The following SRP19 variants were observed in gnomAD, a reference collection of about 807,000 sequenced individuals.
SRP19 encodes the protein signal recognition particle 19 kDa protein.
In SRP19, 11 loss-of-function variants were observed where a neutral mutation model predicts 22.4. The ratio of observed to expected loss-of-function variants is 0.49; its 90% confidence interval spans 0.31 to 0.81. The LOEUF (loss-of-function observed/expected upper bound fraction) is 0.81, where lower values mean the gene tolerates loss of function less well. SRP19 is among the 40% of genes least tolerant of loss of function. The pLI is 0.05. For synonymous variants in SRP19, 61 were observed against 57.6 expected, an observed-to-expected ratio of 1.06 and a Z score of -0.27; for missense variants, 168 against 175.9, an observed-to-expected ratio of 0.96 and a Z score of 0.25.
chr5:112,891,953 TAGA>T (rs762179897), exon 5 of SRP19: 3 of 1,250,066 alleles, frequency 2.4e-6, no homozygotes, highest in African/African-American at 2.9e-5. Flanking sequence ...AAAAAATGGC[TAGA>T]AGAACAAGAG....
exon 5 of SRP19, chr5:112,892,703 C>G (rs1270427124): frequency 1.2e-6 from 2 of 1,614,062 alleles, no homozygotes; most frequent in African/African-American, 1.3e-5. Flanking sequence ...TACTTGTCTT[C>G]AGATCAGACT....
intron 2 of SRP19, among the ~76,000 whole-genome samples, chr5:112,863,320 A>G (rs1329516624): frequency 1.3e-5 from 2 of 152,110 alleles, no homozygotes; most frequent in Non-Finnish European, 2.9e-5. Context: ...AGATTTACCT[A>G]CATATTTGAA....
chr5:112,873,034 C>T (rs1767791219), downstream of SRP19, among the ~76,000 whole-genome samples: 3 of 149,554 alleles, frequency 2.0e-5, no homozygotes, highest in Non-Finnish European at 4.4e-5. Context: ...AGTTTATTAT[C>T]ATGATCCTGG....
intron 2 of SRP19, among the ~76,000 whole-genome samples, chr5:112,863,896 C>T (rs1019518144): frequency 1.3e-5 from 2 of 152,140 alleles, no homozygotes; most frequent in East Asian, 3.9e-4. Context: ...AACTCCTGAG[C>T]TGAAGTGATC....
intron 4 of SRP19, 148 bp from the exon 5 acceptor site, chr5:112,867,256 T>C (rs764395811): frequency 1.2e-6 from 1 of 833,882 alleles, no homozygotes; most frequent in African/African-American, 1.7e-5. Flanking sequence ...CTAGTCAGTG[T>C]CTTCAGTCAT....
At position 112,867,724 on chromosome 5, in the gene SRP19, G is replaced by A. The variant is rs958233009; in HGVS notation, c.*187G>A. On this transcript the variant is annotated 3_prime_UTR_variant, in exon 5 of 5. Coordinates refer to ENST00000505459, the MANE Select transcript of SRP19 (RefSeq NM_003135.3). Reference sequence around the variant, plus strand: ...TTTACATCAGAAGTTTGCATCTCGCGTATATGCCGTATAAAAGAATTTTTT... The same window carrying A: ...TTTACATCAGAAGTTTGCATCTCGCATATATGCCGTATAAAAGAATTTTTT... The A allele has an allele frequency of 1.8e-4, 237 of 1,306,614 alleles. No homozygotes were observed. The highest frequency in any genetic ancestry group is 2.1e-4 in the Non-Finnish European group (211 of 1,027,052). 80.9% of individuals were successfully genotyped at this position (1,306,614 alleles called of 1,614,324 possible). A position where few individuals can be genotyped will look rare whatever the true frequency, so the allele number is the denominator to read the frequency against.
intron 4 of SRP19, among the ~76,000 whole-genome samples, chr5:112,866,931 G>T (rs1767624887): frequency 1.3e-5 from 2 of 152,316 alleles, no homozygotes; most frequent in African/African-American, 4.8e-5. Flanking sequence ...GTAGCTGGTT[G>T]TAGGTGTGCA....
Position 112,868,360 on chromosome 5 carries a change from C to A in SRP19, c.*823C>A. The A allele has an allele frequency of 1.0e-6, 1 of 993,800 alleles. No individual in the cohort carries two copies. Among genetic ancestry groups the A allele is most frequent in the Non-Finnish European group, 1.2e-6 (1 of 836,330 alleles). 61.6% of individuals were successfully genotyped at this position (993,800 alleles called of 1,614,324 possible). A position where few individuals can be genotyped will look rare whatever the true frequency, so the allele number is the denominator to read the frequency against. ...TTAGCTCTTCCTTGAATTCTGCAAG[C>A]TATCTCATATTTTCAGTAAATTCCA... On this transcript the variant is annotated 3_prime_UTR_variant, in exon 5 of 5. Transcript: ENST00000505459.
chr5:112,866,141 A>G, intron 4 of SRP19, among the ~76,000 whole-genome samples: 1 of 145,014 alleles, frequency 6.9e-6, no homozygotes, highest in African/African-American at 2.6e-5. Flanking sequence ...TCTGAGACAG[A>G]GTTTTGCTCT....
chr5:112,892,112 G>A (rs781580621), exon 5 of SRP19: 43 of 1,613,968 alleles, frequency 2.7e-5, no homozygotes, highest in Non-Finnish European at 3.4e-5. Flanking sequence ...AGTACCACAT[G>A]GCAAAACCCA....
chr5:112,892,375 G>C lies in SRP19; in HGVS notation c.*768G>C, dbSNP rs1308361383. 1.9e-6 allele frequency: 3 copies of C among 1,614,148 alleles called. No homozygotes were observed. The Admixed American group carries it at 5.0e-5, about 27-fold the overall frequency. The stretch of plus-strand genomic sequence containing the variant: ...CTACCAACAGTTCCTAGATTTCTAT[G>C]AGGATGTGTTGCCCGAGTTCAAGAA... On this transcript the variant is annotated 3_prime_UTR_variant, in exon 5 of 5. Transcript: ENST00000391338.
intron 4 of SRP19, among the ~76,000 whole-genome samples, chr5:112,890,165 T>G (rs1768391137): frequency 6.7e-6 from 1 of 150,238 alleles, no homozygotes; most frequent in South Asian, 2.1e-4. Flanking sequence ...CTTGGTGATG[T>G]ATGCCTGTGG....
At chr5:112,887,697 C>T (rs191057243) in intron 4 of SRP19, among the ~76,000 whole-genome samples, 1 of 151,982 alleles carries the variant, frequency 6.6e-6, no homozygotes, top group African/African-American at 2.4e-5. Context: ...TAGATCTTAG[C>T]CTTCAAGGAA....
chr5:112,861,446 A>G, intron 1 of SRP19, 29 bp downstream of exon 1: 1 of 1,610,110 alleles, frequency 6.2e-7, no homozygotes, highest in Non-Finnish European at 8.5e-7. Context: ...GGTCCTCCGA[A>G]AGGAAGGGGC....
chr5:112,896,821 C>T (rs1768693259), downstream of SRP19: 1 of 152,186 alleles, frequency 6.6e-6, no homozygotes, highest in South Asian at 2.1e-4. Flanking sequence ...GTCCCAGCTA[C>T]TCGGGAGGCT....
intron 4 of SRP19, among the ~76,000 whole-genome samples, chr5:112,883,565 G>A (rs1768140712): frequency 6.6e-6 from 1 of 152,090 alleles, no homozygotes; most frequent in East Asian, 1.9e-4. Context: ...TTCAGTCTTT[G>A]GACCTCCTGT....
chr5:112,878,592 T>G (rs1767967243), intron 4 of SRP19: 2 of 765,456 alleles, frequency 2.6e-6, no homozygotes, highest in South Asian at 4.9e-5. Context: ...GCCCACTGCA[T>G]TAAGTTTAAA....
intron 4 of SRP19, among the ~76,000 whole-genome samples, chr5:112,880,504 CT>C (rs1768038536): frequency 6.6e-6 from 1 of 152,192 alleles, no homozygotes; most frequent in South Asian, 2.1e-4. Flanking sequence ...GTTGCTCTCC[CT>C]TTGCTCAGTT....
intron 4 of SRP19, chr5:112,887,057 T>G: frequency 6.2e-7 from 1 of 1,613,266 alleles, no homozygotes; most frequent in Non-Finnish European, 8.5e-7. Context: ...GCCTTGTCTT[T>G]AAGGTCCTTG....
Sources: allele counts gnomAD v4.1 joint callset (sites outside exome capture counted in the v4.1 genomes callset), GRCh38; gene constraint gnomAD v4.1.1; transcripts MANE v1.5; gene names NCBI Gene and HGNC (gene_info 2026-07-23, HGNC 2026-07-21).